Variants in HDAC9 observed in about 807,000 individuals in gnomAD.
HDAC9 encodes the protein MEF-2 interacting transcription repressor (MITR) protein.
HDAC9 carries 41 observed loss-of-function variants against 139.4 expected under a neutral mutation model. The observed-to-expected ratio is 0.29, with a 90% CI of 0.23 to 0.38. The LOEUF (loss-of-function observed/expected upper bound fraction) is 0.38, where lower values mean the gene tolerates loss of function less well. Ranked by LOEUF, HDAC9 falls within the 10% of genes least tolerant of loss-of-function variation. The probability of loss-of-function intolerance (pLI) is 1.00; values close to 1 mark genes in which losing one functional copy is unlikely to be tolerated. For missense variants in HDAC9, 1,147 were observed against 1,297.0 expected, an observed-to-expected ratio of 0.88 and a Z score of 1.78; for synonymous variants, 517 against 476.2, an observed-to-expected ratio of 1.09 and a Z score of -1.12.
At chr7:18,369,047 G>T (rs989266863) in intron 1 of HDAC9, among the ~76,000 whole-genome samples, 1 of 151,844 alleles carries the variant, frequency 6.6e-6, no homozygotes, top group African/African-American at 2.4e-5. Context: ...TTATGTATGG[G>T]GCATTTAGGG....
chr7:18,279,935 C>G (rs1368337894), intron 2 of HDAC9, among the ~76,000 whole-genome samples: 1 of 151,936 alleles, frequency 6.6e-6, no homozygotes, highest in Admixed American at 6.6e-5. Flanking sequence ...AAGGGGAATT[C>G]TGAGTGTTGA....
intron 12 of HDAC9, among the ~76,000 whole-genome samples, chr7:18,688,683 G>A (rs1489446908): frequency 2.6e-5 from 4 of 151,794 alleles, no homozygotes; most frequent in African/African-American, 9.7e-5. Context: ...TAATTGGTTA[G>A]ACAAGTAGAT....
intron 21 of HDAC9, among the ~76,000 whole-genome samples, chr7:18,848,128 A>G (rs1797032161): frequency 6.6e-6 from 1 of 152,154 alleles, no homozygotes; most frequent in Non-Finnish European, 1.5e-5. Flanking sequence ...CTAAGGAACC[A>G]TATTAGGAAC....
chr7:18,417,011 T>C (rs952194944), intron 1 of HDAC9, among the ~76,000 whole-genome samples: 2 of 152,174 alleles, frequency 1.3e-5, no homozygotes, highest in African/African-American at 4.8e-5. Flanking sequence ...ATAGATTTCA[T>C]TAAATTTAGA....
chr7:18,291,467 C>T (rs1797803395), intron 1 of HDAC9, among the ~76,000 whole-genome samples: 1 of 151,972 alleles, frequency 6.6e-6, no homozygotes, highest in Non-Finnish European at 1.5e-5. Context: ...GATGATGAAC[C>T]AGTGCATGCC....
intron 1 of HDAC9, among the ~76,000 whole-genome samples, chr7:18,311,676 G>C (rs1799327659): frequency 1.3e-5 from 2 of 152,078 alleles, no homozygotes; most frequent in South Asian, 4.1e-4. Flanking sequence ...TACCTAGTCA[G>C]CTCCTTCATA....
chr7:18,985,062 TTC>T, intron 25 of HDAC9, among the ~76,000 whole-genome samples: 1 of 152,182 alleles, frequency 6.6e-6, no homozygotes, highest in East Asian at 1.9e-4. Flanking sequence ...TTTTTTTTAA[TTC>T]TTTTTCTATT....
At chr7:18,425,612 G>A (rs971996322) in intron 1 of HDAC9, among the ~76,000 whole-genome samples, 2 of 152,078 alleles carry the variant, frequency 1.3e-5, no homozygotes, top group African/African-American at 4.8e-5. Flanking sequence ...ATCTTCCTTC[G>A]CCAGTTAATA....
At chr7:18,184,134 C>A (rs1409623493) in intron 2 of HDAC9, among the ~76,000 whole-genome samples, 1 of 152,188 alleles carries the variant, frequency 6.6e-6, no homozygotes, top group African/African-American at 2.4e-5. Flanking sequence ...CGCGGCAGCT[C>A]ATGCCTGTAA....
intron 2 of HDAC9, among the ~76,000 whole-genome samples, chr7:18,244,466 G>T (rs1300538753): frequency 6.6e-6 from 1 of 152,098 alleles, no homozygotes; most frequent in Non-Finnish European, 1.5e-5. Flanking sequence ...ATGGCATATT[G>T]TCCTTGACTT....
At chr7:18,345,535 A>G (rs1009857010) in intron 1 of HDAC9, among the ~76,000 whole-genome samples, 1 of 151,662 alleles carries the variant, frequency 6.6e-6, no homozygotes, top group East Asian at 1.9e-4. Context: ...TTGTGTTCTC[A>G]TAAGACACTT....
intron 1 of HDAC9, among the ~76,000 whole-genome samples, chr7:18,485,426 A>G (rs1021957256): frequency 2.7e-5 from 4 of 150,826 alleles, no homozygotes; most frequent in African/African-American, 9.7e-5. Context: ...TTTCCATTCT[A>G]ACTTTTCATA....
At chr7:18,923,133 A>G (rs1281551065) in intron 22 of HDAC9, among the ~76,000 whole-genome samples, 2 of 152,110 alleles carry the variant, frequency 1.3e-5, no homozygotes, top group African/African-American at 4.8e-5. Context: ...CTGAAGCTAT[A>G]ATACTTGTGA....
chr7:18,829,471 T>C lies in HDAC9; in HGVS notation c.2389T>C (p.Phe797Leu). 2 of 1,609,972 alleles carry C rather than the reference T, an allele frequency of 1.2e-6. No homozygotes were observed. Among genetic ancestry groups the C allele is most frequent in the Non-Finnish European group, 1.7e-6 (2 of 1,176,486 alleles). Residue 797 changes from phenylalanine to leucine, a missense_variant, in exon 19 of 26, where the codon TTT (phenylalanine) becomes CTT (leucine). Coordinates refer to ENST00000686413, the MANE Select transcript of HDAC9 (RefSeq NM_178425.4). ...TTCTCTATTCCGCAGGGGGTTCTGC[T>C]TTTTTAATTCAGTTGCAATTACCGC... Reference protein sequence around the residue: ...AEESTAMGFCFFNSVAITAKY... With the variant: ...AEESTAMGFCLFNSVAITAKY...
intron 2 of HDAC9, among the ~76,000 whole-genome samples, chr7:18,278,577 G>C (rs889859380): frequency 3.9e-5 from 6 of 152,108 alleles, no homozygotes; most frequent in Non-Finnish European, 8.8e-5. Context: ...GGGTTTTTCA[G>C]GGATTGGCAT....
chr7:18,666,160 T>G, intron 11 of HDAC9, 53 bp from the exon 12 acceptor site: 1 of 1,516,088 alleles, frequency 6.6e-7, no homozygotes, highest in Non-Finnish European at 8.9e-7. Context: ...AATTTGCTTC[T>G]CTGTTACCAT....
intron 1 of HDAC9, among the ~76,000 whole-genome samples, chr7:18,131,385 A>C (rs1315624809): frequency 6.6e-6 from 1 of 152,188 alleles, no homozygotes; most frequent in Non-Finnish European, 1.5e-5. Flanking sequence ...GCTGAAAATC[A>C]AAATGTTATG....
intron 22 of HDAC9, among the ~76,000 whole-genome samples, chr7:18,881,975 A>C (rs1267727139): frequency 6.6e-6 from 1 of 152,112 alleles, no homozygotes; most frequent in Non-Finnish European, 1.5e-5. Context: ...AATACTATGC[A>C]GCATTAATTC....
At chr7:18,478,971 G>T (rs1015274590) in intron 1 of HDAC9, among the ~76,000 whole-genome samples, 1 of 151,874 alleles carries the variant, frequency 6.6e-6, no homozygotes, top group South Asian at 2.1e-4. Flanking sequence ...TTATTATTGG[G>T]TTGTCTTTTC....
Sources: allele counts gnomAD v4.1 joint callset (sites outside exome capture counted in the v4.1 genomes callset), GRCh38; gene constraint gnomAD v4.1.1; transcripts MANE v1.5; gene names NCBI Gene and HGNC (gene_info 2026-07-23, HGNC 2026-07-21).